The following SCGB2A1 variants were observed in gnomAD, a reference collection of about 807,000 sequenced individuals.
SCGB2A1 encodes mammaglobin-B.
In SCGB2A1, 6 loss-of-function variants were observed where a neutral mutation model predicts 9.2. The ratio of observed to expected loss-of-function variants is 0.66; its 90% confidence interval spans 0.36 to 1.29. The LOEUF is 1.29. Ranked by LOEUF, SCGB2A1 falls within the 50% of genes most tolerant of loss-of-function variation. The pLI is 0.03. For missense variants in SCGB2A1, 138 were observed against 116.9 expected (o/e 1.18, Z -0.83); for synonymous variants, 37 against 41.0 (o/e 0.90, Z 0.37).
chr11:62,209,616 C>T, intron 1 of SCGB2A1, among the ~76,000 whole-genome samples: 1 of 149,918 alleles, frequency 6.7e-6, no homozygotes, highest in East Asian at 2.0e-4. Flanking sequence ...CCCTCATGAA[C>T]AAGCTCTATT....
rs755891970 is a variant in SCGB2A1, at chr11:62,210,581, A to G, written c.224A>G (p.Lys75Arg). The G allele has an allele frequency of 6.4e-7, 1 of 1,556,076 alleles. No individual in the cohort carries two copies. The highest frequency in any genetic ancestry group is 1.3e-5 in the South Asian group (1 of 76,898). The part of the protein sequence containing the change: ...CFLNQSHRTL[K>R]NFGLMMHTVY... ...CTCAACCAGTCACATAGAACTCTGAAAAACTTTGGACTGATGATGGTAATT... is the reference window on the plus strand; with the variant it reads ...CTCAACCAGTCACATAGAACTCTGAGAAACTTTGGACTGATGATGGTAATT... Residue 75 changes from lysine (K) to arginine (R), a missense_variant, in exon 2 of 3, where the codon AAA becomes AGA. Transcript: ENST00000244930.
intron 2 of SCGB2A1, among the ~76,000 whole-genome samples, chr11:62,210,867 A>T (rs1231518869): frequency 6.6e-6 from 1 of 151,506 alleles, no homozygotes; most frequent in South Asian, 2.1e-4. Flanking sequence ...ACAGACACAG[A>T]CACACATAAG....
At chr11:62,209,498 T>G (rs111253196) in intron 1 of SCGB2A1, among the ~76,000 whole-genome samples, 3 of 152,238 alleles carry the variant, frequency 2.0e-5, no homozygotes, top group African/African-American at 7.2e-5. Context: ...GGTGACAAGC[T>G]CACAGTCAAC....
rs67975205 is a variant in SCGB2A1 at position 62,213,106 on chromosome 11, A to ATATAT, written c.244-619_244-618insATATT. Among the ~76,000 whole-genome samples, 12 of 116,234 alleles carry ATATAT rather than the reference A, an allele frequency of 1.0e-4. No individual in the cohort carries two copies. The East Asian group carries it at 1.4e-3, about 14-fold the overall frequency. The allele number at this position is 116,234 out of a possible 152,430, so 76.3% of individuals were successfully genotyped here. A position where few individuals can be genotyped will look rare whatever the true frequency, so the allele number is the denominator to read the frequency against. On this transcript the variant is annotated intron_variant, in intron 2 of 2. Coordinates refer to ENST00000244930, the MANE Select transcript of SCGB2A1 (RefSeq NM_002407.3). ...CATATATACACATATATATATATATATTTTTTTTTTTGTAGAGATGGCATT... is the reference window on the plus strand; with the variant it reads ...CATATATACACATATATATATATATATATATTTTTTTTTTTTGTAGAGATGGCATT...
chr11:62,209,846 T>G (rs1944814503), intron 1 of SCGB2A1, among the ~76,000 whole-genome samples: 1 of 152,128 alleles, frequency 6.6e-6, no homozygotes, highest in South Asian at 2.1e-4. Flanking sequence ...GGCTAATTTT[T>G]AAATTTTTTG....
At position 62,208,760 on chromosome 11, in the gene SCGB2A1, C is replaced by T. The variant is rs765272714; in HGVS notation, c.29C>T (p.Ala10Val). 12 of 1,613,480 alleles carry T rather than the reference C, an allele frequency of 7.4e-6. No homozygotes were observed. The East Asian group carries it at 8.9e-5, about 12-fold the overall frequency. The change falls in exon 1 of 3, where the codon GCG becomes GTG. Residue 10 changes from alanine (A) to valine (V), a missense_variant. Physicochemically the swap from Ala to Val is moderately conservative, Grantham distance 64. Transcript: ENST00000244930. MKLLMVLML[A>V]ALLLHCYADS... is the part of the protein sequence containing the mutation. ...AAGCTGCTGATGGTCCTCATGCTGG[C>T]GGCCCTCCTCCTGCACTGCTATGCA... is the stretch of plus-strand genomic sequence containing the variant.
intron 1 of SCGB2A1, among the ~76,000 whole-genome samples, chr11:62,209,748 C>A (rs950468111): frequency 6.6e-6 from 1 of 151,830 alleles, no homozygotes; most frequent in Non-Finnish European, 1.5e-5. Context: ...AGTCTCAGCT[C>A]ACTGCAACCT....
chr11:62,211,845 T>G (rs1944833479), intron 2 of SCGB2A1, among the ~76,000 whole-genome samples: 1 of 152,268 alleles, frequency 6.6e-6, no homozygotes, highest in Non-Finnish European at 1.5e-5. Flanking sequence ...TAGAATTGTT[T>G]AAAACAAAAG....
intron 2 of SCGB2A1, among the ~76,000 whole-genome samples, chr11:62,211,439 GC>G (rs1440621720): frequency 6.6e-6 from 1 of 151,668 alleles, no homozygotes; most frequent in African/African-American, 2.4e-5. Context: ...TCACTCTGTT[GC>G]CCAGGCTGGA....
At chr11:62,210,640 T>G in intron 2 of SCGB2A1, 40 bp downstream of exon 2, 1 of 1,456,082 alleles carries the variant, frequency 6.9e-7, no homozygotes, top group Non-Finnish European at 9.1e-7. Context: ...TGAAAATCAC[T>G]GATCAGAACC....
In SCGB2A1 at chr11:62,213,106, A is replaced by ATATATATTTTTTTTT. The variant is rs67975205; in HGVS notation, c.244-619_244-618insATATATTTTTTTTTT. ...CATATATACACATATATATATATATATTTTTTTTTTTGTAGAGATGGCATT... is the reference window on the plus strand; with the variant it reads ...CATATATACACATATATATATATATATATATATTTTTTTTTTTTTTTTTTTTGTAGAGATGGCATT... On this transcript the variant is annotated intron_variant, in intron 2 of 2. Transcript: ENST00000244930. Among the ~76,000 whole-genome samples, 4 of 116,252 alleles carry ATATATATTTTTTTTT rather than the reference A, an allele frequency of 3.4e-5. 1 individual carries two copies. The highest frequency in any genetic ancestry group is 1.0e-4 in the African/African-American group (3 of 29,046). 76.3% of individuals were successfully genotyped at this position (116,252 alleles called of 152,430 possible). A position where few individuals can be genotyped will look rare whatever the true frequency, so the allele number is the denominator to read the frequency against.
chr11:62,210,739 C>T (rs1001319650), intron 2 of SCGB2A1, 139 bp downstream of exon 2: 1 of 616,806 alleles, frequency 1.6e-6, no homozygotes, highest in African/African-American at 1.9e-5. Flanking sequence ...TGTCTCCAGG[C>T]TGCTTTGCCA....
At position 62,213,091 on chromosome 11, in the gene SCGB2A1, C is replaced by CATATATATATAT. The variant is rs1554985897; in HGVS notation, c.244-630_244-619dup. ...ATATACATATATACACATATATACA[C>CATATATATATAT]ATATATATATATATATTTTTTTTTT... is the stretch of plus-strand genomic sequence containing the variant. On this transcript the variant is annotated intron_variant, in intron 2 of 2. Transcript: ENST00000244930. 6.5e-4 allele frequency among the ~76,000 whole-genome samples: 9 copies of CATATATATATAT among 13,856 alleles called. 1 individual carries two copies. Among genetic ancestry groups the CATATATATATAT allele is most frequent in the Non-Finnish European group, 4.1e-4 (2 of 4,846 alleles). The allele number at this position is 13,856 out of a possible 152,430, so 9.1% of individuals were successfully genotyped here.
rs138723016 is a variant in SCGB2A1 at position 62,210,564 on chromosome 11, G to A, written c.207G>A (p.Gln69=). 1.3e-4 allele frequency: 199 copies of A among 1,572,784 alleles called. No individual in the cohort carries two copies. Among genetic ancestry groups the A allele is most frequent in the Non-Finnish European group, 1.5e-4 (176 of 1,167,278 alleles). Residue 69 remains glutamine, a synonymous_variant, in exon 2 of 3, where the codon CAG becomes CAA. Transcript: ENST00000244930. ...MGKFKQCFLN[Q]SHRTLKNFGL... is the part of the protein sequence containing the mutation. Reference sequence around the variant, plus strand: ...AATTCAAGCAGTGTTTCCTCAACCAGTCACATAGAACTCTGAAAAACTTTG... The same window carrying A: ...AATTCAAGCAGTGTTTCCTCAACCAATCACATAGAACTCTGAAAAACTTTG...
intron 2 of SCGB2A1, among the ~76,000 whole-genome samples, chr11:62,211,537 C>T (rs1055053141): frequency 4.6e-5 from 7 of 151,974 alleles, no homozygotes; most frequent in African/African-American, 7.3e-5. Flanking sequence ...GTAGCTGGGA[C>T]TACAGGCATG....
intron 2 of SCGB2A1, among the ~76,000 whole-genome samples, chr11:62,210,840 C>T (rs1486940013): frequency 3.3e-5 from 5 of 151,884 alleles, no homozygotes; most frequent in African/African-American, 1.2e-4. Context: ...CCTCTGACCT[C>T]ACCAGTCCCT....
intron 2 of SCGB2A1, among the ~76,000 whole-genome samples, chr11:62,213,097 TATATATA>T: frequency 2.5e-5 from 1 of 40,778 alleles, no homozygotes; most frequent in African/African-American, 5.3e-5. Context: ...TACACATATA[TATATATA>T]TATTTTTTTT....
chr11:62,210,923 ATTTTT>A (rs5792248), intron 2 of SCGB2A1, among the ~76,000 whole-genome samples: 3 of 137,312 alleles, frequency 2.2e-5, no homozygotes, highest in Non-Finnish European at 3.1e-5. Context: ...AGGCATCGGC[ATTTTT>A]TTTTTTTTTT....
chr11:62,210,825 G>A (rs182985022), intron 2 of SCGB2A1, among the ~76,000 whole-genome samples: 20 of 151,902 alleles, frequency 1.3e-4, no homozygotes, highest in South Asian at 2.1e-4. Context: ...GAGATCACCC[G>A]TCTACCTCTG....
Sources: allele counts gnomAD v4.1 joint callset (sites outside exome capture counted in the v4.1 genomes callset), GRCh38; gene constraint gnomAD v4.1.1; transcripts MANE v1.5; gene names NCBI Gene and HGNC (gene_info 2026-07-23, HGNC 2026-07-21).